Variants in CACNA2D2 observed in about 807,000 individuals in gnomAD.
CACNA2D2 encodes voltage-dependent calcium channel subunit alpha-2/delta-2.
In CACNA2D2, 48 loss-of-function variants were observed where a neutral mutation model predicts 166.4. The observed-to-expected ratio is 0.29, with a 90% CI of 0.23 to 0.37. The LOEUF is 0.37. Among genes scored for constraint, CACNA2D2 ranks in the 10% least tolerant of loss-of-function variants. The pLI is 1.00. For synonymous variants in CACNA2D2, 561 were observed against 573.7 expected (o/e 0.98, Z 0.32); for missense variants, 1,122 against 1,433.0 (o/e 0.78, Z 3.50).
rs1007077043 is a variant in CACNA2D2 at position 50,376,274 on chromosome 3, A to C, written c.1627-86T>G. 2 of 1,362,514 alleles carry C rather than the reference A, an allele frequency of 1.5e-6. No homozygotes were observed. Among genetic ancestry groups the C allele is most frequent in the Admixed American group, 1.9e-5 (1 of 51,644 alleles). 84.4% of individuals were successfully genotyped at this position (1,362,514 alleles called of 1,614,324 possible). A position where few individuals can be genotyped will look rare whatever the true frequency, so the allele number is the denominator to read the frequency against. ...GGAGTTCTTCCCTATTTGGCCTCCC[A>C]CCGCACCGAGAGATTCTGTTTGCCT... On this transcript the variant is annotated intron_variant, in intron 17 of 37. Coordinates refer to ENST00000424201, the MANE Select transcript of CACNA2D2 (RefSeq NM_006030.4). This position sits in a 1 kb window ranked among gnomAD's most constrained non-coding sequence, Gnocchi z 4.3.
chr3:50,479,022 A>G (rs577765793), intron 1 of CACNA2D2, among the ~76,000 whole-genome samples: 1 of 152,212 alleles, frequency 6.6e-6, no homozygotes, highest in Non-Finnish European at 1.5e-5. Context: ...CATGGATGCC[A>G]AGTTTTATTT....
intron 3 of CACNA2D2, among the ~76,000 whole-genome samples, chr3:50,410,127 G>A (rs1055726956): frequency 6.6e-6 from 1 of 152,224 alleles, no homozygotes; most frequent in African/African-American, 2.4e-5. Flanking sequence ...CATCAGTGCT[G>A]GGGACACTGC....
intron 6 of CACNA2D2, among the ~76,000 whole-genome samples, chr3:50,382,023 A>ACACACACACAC (rs1559894140): frequency 2.6e-5 from 3 of 117,272 alleles, no homozygotes; most frequent in African/African-American, 1.2e-4. Flanking sequence ...CACACACACA[A>ACACACACACAC]ACAAGGCTCC....
chr3:50,398,012 G>A (rs1559909886), intron 3 of CACNA2D2, among the ~76,000 whole-genome samples: 1 of 152,160 alleles, frequency 6.6e-6, no homozygotes. Context: ...ACCCCTGGAG[G>A]TTCATCCCTC....
At chr3:50,451,615 G>A (rs886085888) in intron 2 of CACNA2D2, among the ~76,000 whole-genome samples, 6 of 152,280 alleles carry the variant, frequency 3.9e-5, no homozygotes, top group Non-Finnish European at 7.4e-5. Flanking sequence ...CCAAGTGCTT[G>A]GACAACTTCC....
chr3:50,437,193 G>A (rs62260815), intron 2 of CACNA2D2, among the ~76,000 whole-genome samples: 12,350 of 152,130 alleles, frequency 0.081, 676 homozygotes, highest in Middle Eastern at 0.19. Flanking sequence ...ATTTCTACTC[G>A]AGGACCCACC....
At chr3:50,406,214 G>C (rs1052183041) in intron 3 of CACNA2D2, among the ~76,000 whole-genome samples, 4 of 151,928 alleles carry the variant, frequency 2.6e-5, no homozygotes, top group South Asian at 4.1e-4. Context: ...TTGGCACAGA[G>C]GCAATCAGCC....
intron 2 of CACNA2D2, among the ~76,000 whole-genome samples, chr3:50,444,666 G>C (rs987668769): frequency 6.6e-6 from 1 of 152,204 alleles, no homozygotes; most frequent in Non-Finnish European, 1.5e-5. Context: ...ACCACATAAA[G>C]ACAGCACCAA....
At chr3:50,377,661 C>T in intron 16 of CACNA2D2, 71 bp downstream of exon 16, 1 of 1,571,068 alleles carries the variant, frequency 6.4e-7, no homozygotes, top group South Asian at 1.1e-5. Flanking sequence ...CTCTTCCACC[C>T]TCAGACCTGC....
intron 2 of CACNA2D2, among the ~76,000 whole-genome samples, chr3:50,445,158 G>A (rs983727002): frequency 6.6e-6 from 1 of 152,220 alleles, no homozygotes; most frequent in African/African-American, 2.4e-5. Flanking sequence ...GAACTTTGCT[G>A]GCTTGGACGG....
chr3:50,451,777 G>C (rs9837861), intron 2 of CACNA2D2, among the ~76,000 whole-genome samples: 14,759 of 152,124 alleles, frequency 0.097, 2,099 homozygotes, highest in African/African-American at 0.31. Flanking sequence ...CTGTCCCACA[G>C]GTGCACCCTT....
At chr3:50,431,372 C>T (rs1708054293) in intron 3 of CACNA2D2, among the ~76,000 whole-genome samples, 1 of 152,138 alleles carries the variant, frequency 6.6e-6, no homozygotes, top group Non-Finnish European at 1.5e-5. Context: ...GTGTCTACAG[C>T]CAGGGGTGCT....
intron 2 of CACNA2D2, among the ~76,000 whole-genome samples, chr3:50,465,924 C>T (rs891627276): frequency 6.6e-6 from 1 of 152,178 alleles, no homozygotes; most frequent in African/African-American, 2.4e-5. Context: ...GGAGAATCAC[C>T]TGACCATGCC....
At chr3:50,371,690 G>A (rs1295145709) in intron 22 of CACNA2D2, among the ~76,000 whole-genome samples, 1 of 152,198 alleles carries the variant, frequency 6.6e-6, no homozygotes, top group Non-Finnish European at 1.5e-5. Flanking sequence ...GGCAGTCACT[G>A]GTTGGACTGT....
chr3:50,421,647 A>C (rs577521490), intron 3 of CACNA2D2, among the ~76,000 whole-genome samples: 1 of 152,272 alleles, frequency 6.6e-6, no homozygotes, highest in East Asian at 1.9e-4. Flanking sequence ...GGACACAGGA[A>C]GATGATCTGG....
intron 2 of CACNA2D2, among the ~76,000 whole-genome samples, chr3:50,464,392 G>T (rs1361055609): frequency 6.6e-6 from 1 of 152,202 alleles, no homozygotes; most frequent in African/African-American, 2.4e-5. Flanking sequence ...TGAAAATCAT[G>T]CAGGTGGGAG....
chr3:50,367,279 C>T lies in CACNA2D2; in HGVS notation c.2401+115G>A. Reference sequence around the variant, plus strand: ...TCCCTCTTTTCACGTCTGCCCTGGCCTCAGCCAGCCTTGTGTTGGAGAGGG... The same window carrying T: ...TCCCTCTTTTCACGTCTGCCCTGGCTTCAGCCAGCCTTGTGTTGGAGAGGG... On this transcript the variant is annotated intron_variant, in intron 27 of 37. Transcript: ENST00000424201. The surrounding 1 kb of genome is among the most constrained non-coding windows in gnomAD (Gnocchi z 6.5). 1 of 1,109,698 alleles carries T rather than the reference C, an allele frequency of 9.0e-7. No individual in the cohort carries two copies. The highest frequency in any genetic ancestry group is 1.3e-6 in the Non-Finnish European group (1 of 742,648). 68.7% of individuals were successfully genotyped at this position (1,109,698 alleles called of 1,614,324 possible).
chr3:50,442,095 A>G (rs961964634), intron 2 of CACNA2D2, among the ~76,000 whole-genome samples: 2 of 152,250 alleles, frequency 1.3e-5, no homozygotes, highest in African/African-American at 4.8e-5. Flanking sequence ...TGAAGCTTGC[A>G]GTCTGTGACT....
intron 2 of CACNA2D2, among the ~76,000 whole-genome samples, chr3:50,444,375 C>G (rs1305370161): frequency 6.6e-6 from 1 of 152,256 alleles, no homozygotes; most frequent in Non-Finnish European, 1.5e-5. Flanking sequence ...AGCCATGGGT[C>G]TGAATTCCTG....
Sources: gnomAD v4.1 joint callset for allele counts (sites outside exome capture counted in the v4.1 genomes callset) on GRCh38, gnomAD v4.1.1 for gene constraint, Gnocchi (gnomAD v3.1) non-coding constraint, MANE v1.5 for transcripts, NCBI Gene and HGNC (gene_info 2026-07-23, HGNC 2026-07-21) for gene names.